ATP10A: variants seen among roughly 807,000 people sequenced by gnomAD.
The protein encoded by ATP10A is phospholipid-transporting ATPase VA.
ATP10A carries 111 observed loss-of-function variants against 147.8 expected under a neutral mutation model. The observed-to-expected ratio is 0.75, with a 90% confidence interval of 0.64 to 0.88. The LOEUF is 0.88. Ranked by LOEUF, ATP10A falls within the 40% of genes least tolerant of loss-of-function variation. The pLI, the probability that ATP10A is intolerant of heterozygous loss-of-function variation, is 0.00. For synonymous variants in ATP10A, 875 were observed against 841.6 expected (o/e 1.04, Z -0.69); for missense variants, 1,927 against 1,959.0 (o/e 0.98, Z 0.31).
chr15:25,780,620 C>T (rs1487929964), intron 2 of ATP10A, among the ~76,000 whole-genome samples: 1 of 152,194 alleles, frequency 6.6e-6, no homozygotes, highest in Non-Finnish European at 1.5e-5. Context: ...CCCAAACACC[C>T]TTGAGGAGAA....
intron 13 of ATP10A, among the ~76,000 whole-genome samples, chr15:25,699,091 T>G (rs915782918): frequency 5.3e-5 from 8 of 152,114 alleles, no homozygotes; most frequent in African/African-American, 1.7e-4. Context: ...AAAAATTAAT[T>G]TAAAATTCAT....
chr15:25,717,947 T>C (rs1479013255), intron 8 of ATP10A, among the ~76,000 whole-genome samples: 2 of 152,168 alleles, frequency 1.3e-5, no homozygotes, highest in Non-Finnish European at 2.9e-5. Context: ...CCTTTCTGGG[T>C]GACTTGCCAG....
intron 12 of ATP10A, among the ~76,000 whole-genome samples, chr15:25,706,546 A>G (rs1185218322): frequency 2.0e-5 from 3 of 152,208 alleles, no homozygotes; most frequent in Non-Finnish European, 4.4e-5. Context: ...GCAGTGGCAG[A>G]GCAGGGCTGG....
chr15:25,815,691 T>C (rs974160659), intron 1 of ATP10A, among the ~76,000 whole-genome samples: 1 of 78,156 alleles, frequency 1.3e-5, no homozygotes, highest in Non-Finnish European at 2.9e-5. Context: ...TATTTAATCA[T>C]TCCATTTTCT....
rs28495761 is a variant in ATP10A at position 25,681,429 on chromosome 15, C to T, written c.3493-355G>A. Among the ~76,000 whole-genome samples, 1,467 of 152,284 alleles carry T rather than the reference C, an allele frequency of 9.6e-3. 33 individuals are homozygous for T. Among genetic ancestry groups the T allele is most frequent in the African/African-American group, 0.033 (1,391 of 41,550 alleles). Reference sequence around the variant, plus strand: ...TAAATACATTTGTCTTCCTTTACCTCGCTAAATATGCACATAGCTTACTAC... The same window carrying T: ...TAAATACATTTGTCTTCCTTTACCTTGCTAAATATGCACATAGCTTACTAC... On this transcript the variant is annotated intron_variant, in intron 17 of 20. Coordinates refer to ENST00000555815, the MANE Select transcript of ATP10A (RefSeq NM_024490.4).
chr15:25,837,484 C>CG (rs1892645072), intron 1 of ATP10A, among the ~76,000 whole-genome samples: 1 of 152,116 alleles, frequency 6.6e-6, no homozygotes, highest in Non-Finnish European at 1.5e-5. Context: ...AGGAGGCTCC[C>CG]GGCGCAGGGA....
chr15:25,714,200 T>C lies in ATP10A; in HGVS notation c.1818A>G (p.Ile606Met), dbSNP rs1359081439. 2 of 1,603,514 alleles carry C rather than the reference T, an allele frequency of 1.2e-6. No individual in the cohort carries two copies. The highest frequency in any genetic ancestry group is 1.3e-5 in the African/African-American group (1 of 75,044). ...GTGTGAACCTCCGCAGGAAGTCTTC[T>C]ATCGTCTTCACCGGGGACTTCAGCT... ...RFELKSPVKT[I>M]EDFLRRFTPS... The change falls in exon 10 of 21, where the codon ATA (isoleucine) becomes ATG (methionine). Residue 606 changes from isoleucine (I) to methionine (M), a missense_variant. Coordinates refer to ENST00000555815, the MANE Select transcript of ATP10A (RefSeq NM_024490.4).
chr15:25,675,482 A>ATCC (rs546855528), downstream of ATP10A, among the ~76,000 whole-genome samples: 1 of 152,228 alleles, frequency 6.6e-6, no homozygotes, highest in South Asian at 2.1e-4. Context: ...CAACAGGAAG[A>ATCC]TCCTCTGGGT....
In ATP10A at chr15:25,718,384, C is replaced by T; in HGVS notation, c.1379G>A (p.Arg460Lys). 1 of 1,603,382 alleles carries T rather than the reference C, an allele frequency of 6.2e-7. No homozygotes were observed. Residue 460 changes from arginine (R) to lysine (K), a missense_variant, in exon 8 of 21, where the codon AGG becomes AAG. Transcript: ENST00000555815. The part of the protein sequence containing the change: ...SHDANAQRLA[R>K]YQEADSEEEE... Reference sequence around the variant, plus strand: ...CTCCTCCGAGTCTGCCTCTTGGTACCTGGCCAGACGCTGCGCTGCGGGGAG... The same window carrying T: ...CTCCTCCGAGTCTGCCTCTTGGTACTTGGCCAGACGCTGCGCTGCGGGGAG...
intron 2 of ATP10A, among the ~76,000 whole-genome samples, chr15:25,759,427 A>G (rs1203127756): frequency 2.0e-5 from 3 of 152,192 alleles, no homozygotes; most frequent in African/African-American, 4.8e-5. Context: ...ACTGAGCATT[A>G]GTATGAAAAG....
At chr15:25,805,068 G>A (rs368872664) in intron 1 of ATP10A, among the ~76,000 whole-genome samples, 2 of 152,196 alleles carry the variant, frequency 1.3e-5, no homozygotes, top group African/African-American at 4.8e-5. Context: ...GTGAGCGGAC[G>A]GGCCATCACA....
At chr15:25,823,166 T>C (rs1891960853) in intron 1 of ATP10A, among the ~76,000 whole-genome samples, 1 of 152,186 alleles carries the variant, frequency 6.6e-6, no homozygotes, top group African/African-American at 2.4e-5. Flanking sequence ...TTTAAATTAA[T>C]GGAGGGTTTA....
chr15:25,859,737 T>C (rs1334795426), intron 1 of ATP10A, among the ~76,000 whole-genome samples: 1 of 152,004 alleles, frequency 6.6e-6, no homozygotes, highest in Non-Finnish European at 1.5e-5. Flanking sequence ...TCTAACAGGC[T>C]CTAAGGGGAT....
In ATP10A at chr15:25,714,067, G is replaced by T. The variant is rs775648538; in HGVS notation, c.1951C>A (p.Leu651Ile). The change falls in exon 10 of 21, where the codon CTT becomes ATT. Residue 651 changes from leucine (L) to isoleucine (I), a missense_variant. Physicochemically the swap from Leu to Ile is conservative, Grantham distance 5. Transcript: ENST00000555815. ...CCCAGCCTCTCCTCCAGCCTGAGAA[G>T]CATGCCGTCGCTGGACGGGGTGGAC... ...FPSTPSSDGM[L>I]LRLEERLGQP... 1.2e-6 allele frequency: 2 copies of T among 1,612,968 alleles called. No homozygotes were observed. Among genetic ancestry groups the T allele is most frequent in the African/African-American group, 1.3e-5 (1 of 75,068 alleles).
chr15:25,694,706 C>T (rs903997707), intron 14 of ATP10A, 113 bp downstream of exon 14: 22 of 1,000,442 alleles, frequency 2.2e-5, no homozygotes, highest in African/African-American at 3.3e-5. Flanking sequence ...TGTGATTTTA[C>T]ACACAGAAAG....
downstream of ATP10A, among the ~76,000 whole-genome samples, chr15:25,673,745 T>G (rs1332548879): frequency 6.6e-6 from 1 of 152,220 alleles, no homozygotes; most frequent in African/African-American, 2.4e-5. Flanking sequence ...AAACTATTTT[T>G]TTTTCTTTGC....
Position 25,726,043 on chromosome 15 carries a change from C to T in ATP10A, c.887G>A (p.Arg296His), listed in dbSNP as rs535294000. ...TKALLNNSGP[R>H]YKRSKLERQM... Reference sequence around the variant, plus strand: ...CCTCTCCAGCTTGCTGCGCTTGTAGCGGGGCCCACTGTTGTTCAGCAGAGC... The same window carrying T: ...CCTCTCCAGCTTGCTGCGCTTGTAGTGGGGCCCACTGTTGTTCAGCAGAGC... Residue 296 changes from arginine (R) to histidine (H), a missense_variant, in exon 5 of 21, where the codon CGC becomes CAC. Transcript: ENST00000555815. 38 of 1,614,066 alleles carry T rather than the reference C, an allele frequency of 2.4e-5. No homozygotes were observed. In the South Asian group the frequency reaches 2.9e-4, roughly 12 times the overall value.
chr15:25,706,844 G>T (rs142081858), intron 12 of ATP10A, among the ~76,000 whole-genome samples: 1 of 152,160 alleles, frequency 6.6e-6, no homozygotes, highest in Non-Finnish European at 1.5e-5. Context: ...GAGGCTGGGC[G>T]GGCACGTCTG....
intron 1 of ATP10A, among the ~76,000 whole-genome samples, chr15:25,793,869 C>T (rs951538634): frequency 2.0e-5 from 3 of 152,216 alleles, no homozygotes; most frequent in African/African-American, 7.2e-5. Context: ...CAAGTTTCCT[C>T]CAAGATGCTC....
Sources: allele counts gnomAD v4.1 joint callset (sites outside exome capture counted in the v4.1 genomes callset), GRCh38; gene constraint gnomAD v4.1.1; transcripts MANE v1.5; gene names NCBI Gene and HGNC (gene_info 2026-07-23, HGNC 2026-07-21).